C2CD3: variants seen among roughly 807,000 people sequenced by gnomAD.
The protein encoded by C2CD3 is C2 domain containing 3 centriole elongation regulator, also known as C2 domain-containing protein 3.
A neutral mutation model predicts 234.0 loss-of-function variants in C2CD3; 148 were observed. That is an observed-to-expected ratio of 0.63 (90% CI 0.55 to 0.72). The LOEUF (loss-of-function observed/expected upper bound fraction) is 0.72, where lower values mean the gene tolerates loss of function less well. C2CD3 is among the 30% of genes least tolerant of loss of function. The pLI is 0.00. For synonymous variants in C2CD3, 1,000 were observed against 1,035.4 expected (o/e 0.97, Z 0.66); for missense variants, 2,577 against 2,811.5 (o/e 0.92, Z 1.89).
At chr11:74,073,738 A>G (rs1954906545) in intron 24 of C2CD3, among the ~76,000 whole-genome samples, 1 of 152,214 alleles carries the variant, frequency 6.6e-6, no homozygotes, top group South Asian at 2.1e-4. Flanking sequence ...ACAATATCAC[A>G]GGTACTATTA....
chr11:74,098,042 G>A lies in C2CD3; in HGVS notation c.2946C>T (p.Phe982=). 1.9e-6 allele frequency: 3 copies of A among 1,614,104 alleles called. No homozygotes were observed. Among genetic ancestry groups the A allele is most frequent in the Non-Finnish European group, 2.5e-6 (3 of 1,179,942 alleles). Residue 982 remains phenylalanine, a synonymous_variant, in exon 16 of 33, where the codon TTC becomes TTT. Transcript: ENST00000334126. ...LPPFSPRPAH[F]LDQPTAASVA... ...CAGATGCTGCAGTTGGCTGGTCCAG[G>A]AAATGGGCTGGCCTAGGGCTGAAGG...
chr11:74,150,440 A>G (rs938880328), intron 3 of C2CD3, among the ~76,000 whole-genome samples: 3 of 144,378 alleles, frequency 2.1e-5, no homozygotes, highest in Non-Finnish European at 4.5e-5. Flanking sequence ...GTGAGCTTAG[A>G]TCACACCACC....
At chr11:74,155,208 G>T (rs1272712404) in intron 3 of C2CD3, among the ~76,000 whole-genome samples, 1 of 152,158 alleles carries the variant, frequency 6.6e-6, no homozygotes, top group Non-Finnish European at 1.5e-5. Context: ...TTTGACAAAA[G>T]TCTCCACTGC....
intron 7 of C2CD3, among the ~76,000 whole-genome samples, chr11:74,130,146 AG>A (rs1214706097): frequency 1.0e-4 from 9 of 87,200 alleles, no homozygotes; most frequent in African/African-American, 5.1e-4. Flanking sequence ...GGAGAGGGAG[AG>A]GGGAGAGGGG....
chr11:74,062,160 C>T (rs1384406876), intron 24 of C2CD3, among the ~76,000 whole-genome samples: 1 of 152,096 alleles, frequency 6.6e-6, no homozygotes, highest in Non-Finnish European at 1.5e-5. Flanking sequence ...CTTAGACTCC[C>T]ACACAATAAT....
At chr11:74,021,305 C>T (rs1013380308) in intron 32 of C2CD3, among the ~76,000 whole-genome samples, 2 of 152,090 alleles carry the variant, frequency 1.3e-5, no homozygotes, top group Non-Finnish European at 2.9e-5. Flanking sequence ...TTCAGCTGTA[C>T]CCTTTAATCG....
chr11:74,016,046 C>G (rs113465027), intron 32 of C2CD3, among the ~76,000 whole-genome samples: 2,675 of 152,246 alleles, frequency 0.018, 76 homozygotes, highest in African/African-American at 0.061. Context: ...TACTGCACTC[C>G]AACCTGGGTG....
Position 74,129,168 on chromosome 11 carries a change from C to T in C2CD3, c.1217+3676G>A, listed in dbSNP as rs1389848433. On this transcript the variant is annotated intron_variant, in intron 7 of 32. Transcript: ENST00000334126. ...CTCCCGGACGGGGCGGCTGGCCGGGCGGGGAGCTGACCCCTCACCTCCCTC... is the reference window on the plus strand; with the variant it reads ...CTCCCGGACGGGGCGGCTGGCCGGGTGGGGAGCTGACCCCTCACCTCCCTC... The T allele has an allele frequency of 3.5e-5, 6 of 169,464 alleles. 1 individual carries two copies. The highest frequency in any genetic ancestry group is 6.6e-5 in the Admixed American group (1 of 15,070). The allele number at this position is 169,464 out of a possible 1,614,324, so 10.5% of individuals were successfully genotyped here.
At chr11:74,015,517 G>A (rs1951846765) in intron 32 of C2CD3, among the ~76,000 whole-genome samples, 1 of 152,156 alleles carries the variant, frequency 6.6e-6, no homozygotes, top group Admixed American at 6.5e-5. Flanking sequence ...ACTGCAGGTA[G>A]ATTTTCTGGG....
At chr11:74,087,757 T>C (rs1247444792) in intron 20 of C2CD3, among the ~76,000 whole-genome samples, 1 of 152,216 alleles carries the variant, frequency 6.6e-6, no homozygotes, top group African/African-American at 2.4e-5. Context: ...CGTTATTTGC[T>C]GGGTATCTGC....
At chr11:74,118,406 C>T (rs1375114756) in intron 8 of C2CD3, 24 bp from the exon 9 acceptor site, 2 of 1,592,396 alleles carry the variant, frequency 1.3e-6, no homozygotes, top group African/African-American at 2.7e-5. Context: ...GAAACAGAGA[C>T]ACTAAATGAC....
chr11:74,115,904 G>A (rs1956912381), intron 9 of C2CD3, among the ~76,000 whole-genome samples: 1 of 152,112 alleles, frequency 6.6e-6, no homozygotes, highest in African/African-American at 2.4e-5. Context: ...AATGGTGCTG[G>A]GACAATTGGC....
At chr11:74,049,647 T>C in intron 26 of C2CD3, 105 bp from the exon 27 acceptor site, 2 of 843,230 alleles carry the variant, frequency 2.4e-6, no homozygotes, top group Non-Finnish European at 3.8e-6. Flanking sequence ...AGGAATTTAG[T>C]GATCCCAAAG....
chr11:74,158,379 T>C (rs962168713), intron 3 of C2CD3, among the ~76,000 whole-genome samples: 2 of 152,148 alleles, frequency 1.3e-5, no homozygotes, highest in African/African-American at 4.8e-5. Context: ...AAAACTTGAA[T>C]AGACATTTCT....
At chr11:74,136,470 T>C (rs1447551050) in intron 5 of C2CD3, among the ~76,000 whole-genome samples, 1 of 152,190 alleles carries the variant, frequency 6.6e-6, no homozygotes, top group Non-Finnish European at 1.5e-5. Context: ...TAGAGTAAGA[T>C]GAAGCATAGG....
At chr11:74,113,996 T>C (rs201576568) in intron 10 of C2CD3, 104 bp from the exon 11 acceptor site, 1 of 675,684 alleles carries the variant, frequency 1.5e-6, no homozygotes, top group Admixed American at 2.9e-5. Flanking sequence ...GGACCTCTAG[T>C]ACTCAGAGGC....
intron 8 of C2CD3, among the ~76,000 whole-genome samples, chr11:74,120,967 G>C (rs1168596315): frequency 1.3e-5 from 2 of 149,502 alleles, no homozygotes; most frequent in Admixed American, 1.3e-4. Flanking sequence ...GACCAACTTG[G>C]ACAACATAGT....
At chr11:74,055,768 T>A (rs1464230034) in intron 25 of C2CD3, among the ~76,000 whole-genome samples, 1 of 152,248 alleles carries the variant, frequency 6.6e-6, no homozygotes, top group Non-Finnish European at 1.5e-5. Context: ...AAAGGAATTA[T>A]AAACAGTGCC....
At chr11:74,108,874 GTAA>G (rs1375988070) in intron 12 of C2CD3, among the ~76,000 whole-genome samples, 157 bp downstream of exon 12, 1 of 150,716 alleles carries the variant, frequency 6.6e-6, no homozygotes, top group South Asian at 2.1e-4. Flanking sequence ...ATTAGTAGTA[GTAA>G]TAATAATAAT....
Sources: gnomAD v4.1 joint callset for allele counts (sites outside exome capture counted in the v4.1 genomes callset) on GRCh38, gnomAD v4.1.1 for gene constraint, MANE v1.5 for transcripts, NCBI Gene and HGNC (gene_info 2026-07-23, HGNC 2026-07-21) for gene names.